Variants in IL12RB2 observed in about 807,000 individuals in gnomAD.
The protein encoded by IL12RB2 is interleukin-12 receptor subunit beta-2.
IL12RB2 carries 82 observed loss-of-function variants against 89.4 expected under a neutral mutation model. That is an observed-to-expected ratio of 0.92 (90% confidence interval 0.77 to 1.10). The LOEUF (loss-of-function observed/expected upper bound fraction) is 1.10. Ranked by LOEUF, IL12RB2 falls within the 50% of genes least tolerant of loss-of-function variation. The pLI, the probability that IL12RB2 is intolerant of heterozygous loss-of-function variation, is 0.00. For missense variants in IL12RB2, 963 were observed against 1,031.9 expected (o/e 0.93, Z 0.92); for synonymous variants, 368 against 370.1 (o/e 0.99, Z 0.07).
chr1:67,357,414 T>A (rs545826670), intron 10 of IL12RB2, among the ~76,000 whole-genome samples: 1 of 152,128 alleles, frequency 6.6e-6, no homozygotes, highest in Non-Finnish European at 1.5e-5. Flanking sequence ...TTTATTAGAA[T>A]AACCTCAAAG....
chr1:67,327,210 C>T (rs1657452637), intron 5 of IL12RB2, among the ~76,000 whole-genome samples: 1 of 152,120 alleles, frequency 6.6e-6, no homozygotes, highest in Non-Finnish European at 1.5e-5. Flanking sequence ...CCACCCGCCT[C>T]AGCCTCCCAA....
In IL12RB2 at chr1:67,328,769, A is replaced by C. The variant is rs370556694; in HGVS notation, c.664+385A>C. ...CCATGGCTACTCCCATTGTTGTGAG[A>C]TAGGCTACATGTGGGCCTGCTAGGC... On this transcript the variant is annotated intron_variant, in intron 6 of 16. Transcript: ENST00000674203. 2.6e-5 allele frequency among the ~76,000 whole-genome samples: 4 copies of C among 152,290 alleles called. No homozygotes were observed. The South Asian group carries it at 8.3e-4, about 32-fold the overall frequency.
intron 9 of IL12RB2, among the ~76,000 whole-genome samples, chr1:67,348,525 G>C (rs1466505007): frequency 6.6e-6 from 1 of 152,070 alleles, no homozygotes; most frequent in African/African-American, 2.4e-5. Flanking sequence ...CTTATAAAAT[G>C]AATCATTGAA....
chr1:67,315,524 T>A (rs528967273), intron 2 of IL12RB2, among the ~76,000 whole-genome samples: 2 of 152,184 alleles, frequency 1.3e-5, no homozygotes, highest in African/African-American at 4.8e-5. Context: ...ACTATAGGGG[T>A]AGAAAAACTC....
chr1:67,309,319 A>T lies in IL12RB2; in HGVS notation c.-125+1352A>T, dbSNP rs1292078826. ...ATGTTTCACACAGTTAGAGAGTTAC[A>T]GGTTTCTGGCTCAAAACTGTGTTCC... On this transcript the variant is annotated intron_variant, in intron 1 of 16. Transcript: ENST00000674203. Among the ~76,000 whole-genome samples, 3 of 152,198 alleles carry T rather than the reference A, an allele frequency of 2.0e-5. No individual in the cohort carries two copies. The East Asian group carries it at 5.8e-4, about 29-fold the overall frequency.
intron 10 of IL12RB2, among the ~76,000 whole-genome samples, chr1:67,361,606 GAA>G (rs1398156670): frequency 2.6e-5 from 4 of 151,946 alleles, no homozygotes; most frequent in African/African-American, 9.7e-5. Context: ...CGCTAAAACT[GAA>G]AAGCAAAGAG....
chr1:67,324,437 G>A (rs1371570638), intron 4 of IL12RB2, among the ~76,000 whole-genome samples: 1 of 151,970 alleles, frequency 6.6e-6, no homozygotes, highest in Non-Finnish European at 1.5e-5. Flanking sequence ...GGCCAGACTG[G>A]TCTCTAATTC....
chr1:67,321,658 T>C lies in IL12RB2; in HGVS notation c.133T>C (p.Ser45Pro). 6.2e-7 allele frequency: 1 copy of C among 1,602,426 alleles called. No individual in the cohort carries two copies. The highest frequency in any genetic ancestry group is 1.1e-5 in the South Asian group (1 of 90,866). ...GCCTTCCCATGTAATTTTACTTGGA[T>C]CCACTGTCAATATTACATGCTCTTT... ...VKPSHVILLGSTVNITCSLKP... is the reference protein window; with the variant it reads ...VKPSHVILLGPTVNITCSLKP... The change falls in exon 4 of 17, where the codon TCC (serine) becomes CCC (proline). Residue 45 changes from serine (S) to proline (P), a missense_variant. Physicochemically the swap from Ser to Pro is moderately conservative, Grantham distance 74 (BLOSUM62 -1). Transcript: ENST00000674203.
intron 7 of IL12RB2, 46 bp downstream of exon 7, chr1:67,329,775 T>C: frequency 7.6e-7 from 1 of 1,319,040 alleles, no homozygotes; most frequent in African/African-American, 1.4e-5. Context: ...GCATTCTTAA[T>C]ATTGCTGCGC....
In IL12RB2 at chr1:67,398,473, T is replaced by C. The variant is rs1666479658; in HGVS notation, c.*2384T>C. On this transcript the variant is annotated 3_prime_UTR_variant, in exon 17 of 17. Coordinates refer to ENST00000674203, the MANE Select transcript of IL12RB2 (RefSeq NM_001374259.2). ...TCCTTTTCTTTCCCTTAAAGTCTCA[T>C]ATGATACTGCAGTCCTCATTTGTCT... Among the ~76,000 whole-genome samples the C allele has an allele frequency of 6.6e-6, 1 of 151,318 alleles. No individual in the cohort carries two copies. The highest frequency in any genetic ancestry group is 2.4e-5 in the African/African-American group (1 of 41,116).
intron 9 of IL12RB2, among the ~76,000 whole-genome samples, chr1:67,347,690 G>A (rs1446358713): frequency 6.6e-6 from 1 of 152,180 alleles, no homozygotes; most frequent in Admixed American, 6.5e-5. Flanking sequence ...GAGAGGCAAT[G>A]GGACTGTGGT....
In IL12RB2 at chr1:67,377,763, C is replaced by A. The variant is rs79673407; in HGVS notation, c.1718-2223C>A. Among the ~76,000 whole-genome samples, 14 of 147,394 alleles carry A rather than the reference C, an allele frequency of 9.5e-5. No homozygotes were observed. In the East Asian group the frequency reaches 2.8e-3, roughly 30 times the overall value. On this transcript the variant is annotated intron_variant, in intron 13 of 16. Transcript: ENST00000674203. ...ATATTGAGGTCCTCAGCACAGGTCA[C>A]AGATCCTATTGTAATTTGTGTTTCT...
chr1:67,320,281 CT>C lies in IL12RB2; in HGVS notation c.-36-51del. 9.3e-6 allele frequency: 15 copies of C among 1,609,758 alleles called. No homozygotes were observed. The South Asian group carries it at 1.7e-4, about 18-fold the overall frequency. ...GAAGCTCTTCTGAGCTATTTTGGCTCTGGTATTTTCTGAACATATTTAACAT... is the reference window on the plus strand; with the variant it reads ...GAAGCTCTTCTGAGCTATTTTGGCTCGGTATTTTCTGAACATATTTAACAT... On this transcript the variant is annotated intron_variant, in intron 2 of 16. Coordinates refer to ENST00000674203, the MANE Select transcript of IL12RB2 (RefSeq NM_001374259.2).
intron 13 of IL12RB2, among the ~76,000 whole-genome samples, chr1:67,373,878 T>C (rs761645321): frequency 3.9e-5 from 6 of 152,196 alleles, no homozygotes; most frequent in African/African-American, 1.4e-4. Flanking sequence ...GATTTTCACC[T>C]GGGAAGCTTT....
At chr1:67,389,728 T>C (rs985944081) in intron 15 of IL12RB2, among the ~76,000 whole-genome samples, 1 of 152,220 alleles carries the variant, frequency 6.6e-6, no homozygotes, top group Non-Finnish European at 1.5e-5. Context: ...ATTGTGCTGG[T>C]CACATATTAG....
Position 67,350,977 on chromosome 1 carries a change from C to T in IL12RB2, c.1146C>T (p.Ser382=), listed in dbSNP as rs1660767315. The part of the protein sequence containing the change: ...AMTQNITGHT[S]WTTVIPRTGN... ...CACAGAACATCACAGGACACACCTC[C>T]TGGACCACAGTCATTCCTAGAACCG... The change falls in exon 10 of 17, where the codon TCC becomes TCT. Residue 382 remains serine (S), a synonymous_variant. Transcript: ENST00000674203. 6.2e-7 allele frequency: 1 copy of T among 1,614,014 alleles called. No homozygotes were observed. The highest frequency in any genetic ancestry group is 1.3e-5 in the African/African-American group (1 of 74,916).
intron 4 of IL12RB2, among the ~76,000 whole-genome samples, chr1:67,324,115 G>A (rs1368657749): frequency 1.6e-4 from 25 of 152,200 alleles, no homozygotes; most frequent in Non-Finnish European, 3.1e-4. Context: ...GCTCAGTCAC[G>A]AGTAGTGTGT....
intron 10 of IL12RB2, among the ~76,000 whole-genome samples, chr1:67,352,648 CAACTGGT>C (rs1660973096): frequency 6.6e-6 from 1 of 152,172 alleles, no homozygotes; most frequent in Non-Finnish European, 1.5e-5. Context: ...TGTTTGTAGG[CAACTGGT>C]AATCTCTCTC....
rs1003774490 is a variant in IL12RB2 at position 67,313,938 on chromosome 1, G to A, written c.-99G>A. The stretch of plus-strand genomic sequence containing the variant: ...GTCACGGTGATCCATTTGTAAAGTC[G>A]GGAATAAATGACCTCTGAAGTGTTG... On this transcript the variant is annotated 5_prime_UTR_variant, in exon 2 of 17. Transcript: ENST00000674203. The A allele has an allele frequency of 4.6e-5, 7 of 152,136 alleles. No individual in the cohort carries two copies. Among genetic ancestry groups the A allele is most frequent in the Non-Finnish European group, 1.0e-4 (7 of 68,038 alleles). 9.4% of individuals were successfully genotyped at this position (152,136 alleles called of 1,614,324 possible).
Sources: gnomAD v4.1 joint callset for allele counts (sites outside exome capture counted in the v4.1 genomes callset) on GRCh38, gnomAD v4.1.1 for gene constraint, MANE v1.5 for transcripts, NCBI Gene and HGNC (gene_info 2026-07-23, HGNC 2026-07-21) for gene names.